The following SLC13A3 variants were observed in gnomAD, a reference collection of about 807,000 sequenced individuals.
SLC13A3 encodes the protein solute carrier family 13 member 3, also known as Na(+)/dicarboxylate cotransporter 3.
In SLC13A3, 40 loss-of-function variants were observed where a neutral mutation model predicts 59.0. That is an observed-to-expected ratio of 0.68 (90% CI 0.53 to 0.88). The LOEUF (loss-of-function observed/expected upper bound fraction) is 0.88, where lower values mean the gene tolerates loss of function less well. SLC13A3 is among the 40% of genes least tolerant of loss of function. The pLI, the probability that SLC13A3 is intolerant of heterozygous loss-of-function variation, is 0.00. For missense variants in SLC13A3, 699 were observed against 783.2 expected (o/e 0.89, Z 1.28); for synonymous variants, 317 against 330.3 (o/e 0.96, Z 0.44).
intron 9 of SLC13A3, among the ~76,000 whole-genome samples, chr20:46,577,926 G>A (rs1215521577): frequency 6.6e-6 from 1 of 152,190 alleles, no homozygotes; most frequent in Non-Finnish European, 1.5e-5. Context: ...AGAAGAAATG[G>A]TCCCACTGTG....
chr20:46,592,460 C>A lies in SLC13A3; in HGVS notation c.864G>T (p.Leu288Phe), dbSNP rs1413101043. ...TCCAGAGCCAGCCTGCCAACAGGAA[C>A]AACAGCATAAGAGGGAAGGCGAAAA... is the stretch of plus-strand genomic sequence containing the variant. Reference protein sequence around the residue: ...WFIFAFPLMLLFLLAGWLWIS... With the variant: ...WFIFAFPLMLFFLLAGWLWIS... Residue 288 changes from leucine (L) to phenylalanine (F), a missense_variant, in exon 6 of 13, where the codon TTG (leucine) becomes TTT (phenylalanine). Physicochemically the swap from Leu to Phe is conservative, Grantham distance 22 (BLOSUM62 0). Coordinates refer to ENST00000279027, the MANE Select transcript of SLC13A3 (RefSeq NM_022829.6). 1.9e-6 allele frequency: 3 copies of A among 1,613,874 alleles called. No individual in the cohort carries two copies. The highest frequency in any genetic ancestry group is 1.3e-5 in the African/African-American group (1 of 74,908).
intron 3 of SLC13A3, chr20:46,608,944 C>A (rs1371696484): frequency 3.2e-6 from 5 of 1,550,850 alleles, no homozygotes; most frequent in Non-Finnish European, 4.4e-6. Flanking sequence ...AAGTTGCACA[C>A]ATCATTTCCA....
intron 9 of SLC13A3, among the ~76,000 whole-genome samples, chr20:46,579,716 T>C (rs1478678772): frequency 6.6e-6 from 1 of 152,238 alleles, no homozygotes; most frequent in East Asian, 1.9e-4. Flanking sequence ...GTGCTACTGT[T>C]GTTGGCCCAC....
chr20:46,631,398 G>A (rs1412270268), intron 1 of SLC13A3, among the ~76,000 whole-genome samples: 2 of 152,164 alleles, frequency 1.3e-5, no homozygotes, highest in African/African-American at 4.8e-5. Flanking sequence ...GCTTCCCTGA[G>A]GTCACACAGT....
At chr20:46,626,350 C>T (rs919555985) in intron 1 of SLC13A3, among the ~76,000 whole-genome samples, 1 of 151,674 alleles carries the variant, frequency 6.6e-6, no homozygotes, top group African/African-American at 2.4e-5. Context: ...TCTCTCCCTC[C>T]CTCTTTCTCC....
At chr20:46,663,946 A>G (rs1394293335) in intron 1 of SLC13A3, among the ~76,000 whole-genome samples, 2 of 152,198 alleles carry the variant, frequency 1.3e-5, no homozygotes, top group Admixed American at 1.3e-4. Context: ...AGTAATATTA[A>G]AGGAGTTGTC....
At chr20:46,593,577 C>T (rs975717737) in intron 5 of SLC13A3, among the ~76,000 whole-genome samples, 11 of 151,780 alleles carry the variant, frequency 7.2e-5, no homozygotes, top group Non-Finnish European at 1.6e-4. Context: ...ATAAGTATAC[C>T]TCTATAATTA....
intron 5 of SLC13A3, among the ~76,000 whole-genome samples, chr20:46,593,025 C>T (rs1333748973): frequency 1.3e-5 from 2 of 152,166 alleles, no homozygotes; most frequent in Non-Finnish European, 2.9e-5. Context: ...AACCTTTGCC[C>T]TCCTTATTAC....
chr20:46,563,636 GTTGGAA>G (rs1317073642), intron 11 of SLC13A3, 85 bp from the exon 12 acceptor site: 256 of 1,425,620 alleles, frequency 1.8e-4, no homozygotes, highest in Admixed American at 2.9e-4. Context: ...GAGAGAGGCA[GTTGGAA>G]AGAGGGACAC....
At chr20:46,654,093 T>A (rs1322748330), upstream of SLC13A3, among the ~76,000 whole-genome samples, 1 of 152,144 alleles carries the variant, frequency 6.6e-6, no homozygotes, top group East Asian at 1.9e-4. Flanking sequence ...TTTCACCACA[T>A]CCTCACCAAC....
chr20:46,649,372 A>G (rs1448728064), intron 1 of SLC13A3, among the ~76,000 whole-genome samples: 2 of 152,060 alleles, frequency 1.3e-5, no homozygotes, highest in African/African-American at 4.8e-5. Flanking sequence ...ATCTGTATTC[A>G]TTTTCTTCAA....
chr20:46,566,437 G>A, intron 10 of SLC13A3, 47 bp from the exon 11 acceptor site: 2 of 1,580,972 alleles, frequency 1.3e-6, no homozygotes, highest in South Asian at 1.2e-5. Context: ...ATCCCCAGCT[G>A]CCGCCCCCCA....
intron 3 of SLC13A3, chr20:46,608,745 T>C: frequency 9.4e-7 from 1 of 1,060,540 alleles, no homozygotes; most frequent in East Asian, 2.6e-5. Flanking sequence ...ATTTAATTCA[T>C]ATTTTAAAAA....
chr20:46,645,929 C>T (rs546573330), intron 1 of SLC13A3, among the ~76,000 whole-genome samples: 1 of 152,088 alleles, frequency 6.6e-6, no homozygotes, highest in African/African-American at 2.4e-5. Context: ...AAAAGAATAA[C>T]AGGAATGTAA....
intron 3 of SLC13A3, among the ~76,000 whole-genome samples, chr20:46,607,390 C>T (rs1231653655): frequency 1.3e-5 from 2 of 152,182 alleles, no homozygotes; most frequent in African/African-American, 2.4e-5. Context: ...CACCCCTGTC[C>T]TCGCCTCCTG....
intron 10 of SLC13A3, among the ~76,000 whole-genome samples, chr20:46,574,293 G>A (rs745317298): frequency 6.6e-5 from 10 of 152,204 alleles, no homozygotes; most frequent in Non-Finnish European, 1.0e-4. Context: ...GAATGCAATT[G>A]TAAGAATTTA....
chr20:46,616,270 A>G (rs1002533659), intron 1 of SLC13A3, among the ~76,000 whole-genome samples: 1 of 152,196 alleles, frequency 6.6e-6, no homozygotes, highest in African/African-American at 2.4e-5. Flanking sequence ...ATCTCAGTAT[A>G]TAAAACAGAC....
intron 1 of SLC13A3, among the ~76,000 whole-genome samples, chr20:46,668,312 A>G (rs1472691515): frequency 6.6e-6 from 1 of 152,242 alleles, no homozygotes; most frequent in Admixed American, 6.5e-5. Flanking sequence ...GAAGGAAATT[A>G]AAAGTGCTAC....
At chr20:46,613,925 T>C (rs1300259771) in intron 1 of SLC13A3, 200 bp from the exon 2 acceptor site, 7 of 504,994 alleles carry the variant, frequency 1.4e-5, no homozygotes, top group African/African-American at 3.9e-5. Context: ...TTAAAGCAGG[T>C]GGCATCACCT....
Sources: allele counts gnomAD v4.1 joint callset (sites outside exome capture counted in the v4.1 genomes callset), GRCh38; gene constraint gnomAD v4.1.1; transcripts MANE v1.5; gene names NCBI Gene and HGNC (gene_info 2026-07-23, HGNC 2026-07-21).